The following SLC35F3 variants were observed in gnomAD, a reference collection of about 807,000 sequenced individuals.
The protein encoded by SLC35F3 is solute carrier family 35 member F3.
SLC35F3 carries 25 observed loss-of-function variants against 49.9 expected under a neutral mutation model. The ratio of observed to expected loss-of-function variants is 0.50; its 90% confidence interval spans 0.37 to 0.70. SLC35F3 has a LOEUF of 0.70. Ranked by LOEUF, SLC35F3 falls within the 30% of genes least tolerant of loss-of-function variation. The pLI is 0.00. For missense variants in SLC35F3, 525 were observed against 639.8 expected, an observed-to-expected ratio of 0.82 and a Z score of 1.94; for synonymous variants, 275 against 265.4, an observed-to-expected ratio of 1.04 and a Z score of -0.35.
intron 3 of SLC35F3, among the ~76,000 whole-genome samples, chr1:234,281,895 T>G (rs1668332149): frequency 6.6e-6 from 1 of 152,162 alleles, no homozygotes; most frequent in Non-Finnish European, 1.5e-5. Flanking sequence ...CTGTTCTTCA[T>G]CATGTCAAAT....
chr1:233,986,444 A>T (rs1400685640), intron 2 of SLC35F3, among the ~76,000 whole-genome samples: 1 of 152,196 alleles, frequency 6.6e-6, no homozygotes, highest in Non-Finnish European at 1.5e-5. Flanking sequence ...ATAAAGATTT[A>T]TCTCTCATGA....
intron 2 of SLC35F3, among the ~76,000 whole-genome samples, chr1:234,143,501 G>A (rs979094618): frequency 1.3e-5 from 2 of 151,858 alleles, no homozygotes; most frequent in Admixed American, 6.6e-5. Context: ...AATTGGCCAG[G>A]CTGGTCTGAA....
chr1:234,304,325 T>A (rs571140461), intron 3 of SLC35F3, among the ~76,000 whole-genome samples: 59 of 152,142 alleles, frequency 3.9e-4, no homozygotes, highest in Non-Finnish European at 7.2e-4. Flanking sequence ...CCACACCAGA[T>A]AATTTTTATA....
At chr1:233,923,080 G>T (rs568343114) in intron 2 of SLC35F3, among the ~76,000 whole-genome samples, 9 of 152,118 alleles carry the variant, frequency 5.9e-5, no homozygotes, top group African/African-American at 2.2e-4. Flanking sequence ...GTCAGGTAGC[G>T]TGATGCCTCC....
intron 3 of SLC35F3, among the ~76,000 whole-genome samples, chr1:234,264,490 T>C (rs1260111897): frequency 6.6e-6 from 1 of 152,266 alleles, no homozygotes; most frequent in African/African-American, 2.4e-5. Flanking sequence ...ATCAGAGTCA[T>C]ATGTTGCCAA....
At chr1:233,975,684 G>A (rs933035141) in intron 2 of SLC35F3, among the ~76,000 whole-genome samples, 12 of 152,234 alleles carry the variant, frequency 7.9e-5, no homozygotes, top group Non-Finnish European at 1.6e-4. Flanking sequence ...AGGCCATCCA[G>A]TGAGGAAGTG....
intron 2 of SLC35F3, among the ~76,000 whole-genome samples, chr1:234,055,926 C>G (rs1467529180): frequency 6.6e-6 from 1 of 152,182 alleles, no homozygotes; most frequent in Non-Finnish European, 1.5e-5. Context: ...AGAAATGCCT[C>G]TGAGTGTTTA....
intron 2 of SLC35F3, chr1:234,213,313 C>T (rs1293159506): frequency 6.6e-6 from 1 of 152,204 alleles, no homozygotes; most frequent in East Asian, 1.9e-4. Context: ...ATCTAACCAA[C>T]AATAATAACA....
At chr1:234,258,928 G>A (rs894279290) in intron 3 of SLC35F3, among the ~76,000 whole-genome samples, 5 of 152,212 alleles carry the variant, frequency 3.3e-5, no homozygotes, top group African/African-American at 1.2e-4. Flanking sequence ...GCAAACACTT[G>A]GAATAGTATG....
chr1:234,172,878 A>G (rs1459164977), intron 2 of SLC35F3, among the ~76,000 whole-genome samples: 1 of 152,216 alleles, frequency 6.6e-6, no homozygotes, highest in African/African-American at 2.4e-5. Context: ...ATCACTATGC[A>G]GTGCGTGGCT....
chr1:234,249,823 C>T (rs1398642391), intron 3 of SLC35F3, among the ~76,000 whole-genome samples: 1 of 152,218 alleles, frequency 6.6e-6, no homozygotes, highest in African/African-American at 2.4e-5. Context: ...GTGCGTCTAG[C>T]CCTGAGGCTG....
At chr1:233,922,056 G>T (rs1360901063) in intron 2 of SLC35F3, among the ~76,000 whole-genome samples, 2 of 152,150 alleles carry the variant, frequency 1.3e-5, no homozygotes, top group African/African-American at 4.8e-5. Context: ...TGGACATTTG[G>T]CTTGGTTCCA....
chr1:234,126,607 T>C (rs2102896050), intron 2 of SLC35F3, among the ~76,000 whole-genome samples: 1 of 152,192 alleles, frequency 6.6e-6, no homozygotes, highest in Admixed American at 6.5e-5. Context: ...AGTGCACCCA[T>C]CTTCTTCCTA....
rs370270024 is a variant in SLC35F3 at position 234,099,102 on chromosome 1, A to G, written c.284-132315A>G. 2.0e-5 allele frequency among the ~76,000 whole-genome samples: 3 copies of G among 152,078 alleles called. No individual in the cohort carries two copies. In the East Asian group the frequency reaches 5.8e-4, roughly 29 times the overall value. ...ACCATAGTCCTTTCCTATATTCCAC[A>G]TGTTCTGTTACAGAGGGAGATAGAT... On this transcript the variant is annotated intron_variant, in intron 2 of 7. Coordinates refer to ENST00000366618, the MANE Select transcript of SLC35F3 (RefSeq NM_173508.4).
chr1:234,191,285 C>G (rs944322144), intron 2 of SLC35F3, among the ~76,000 whole-genome samples: 1 of 152,030 alleles, frequency 6.6e-6, no homozygotes, highest in African/African-American at 2.4e-5. Context: ...GAAATTAACT[C>G]CAAAAGGAAA....
intron 2 of SLC35F3, among the ~76,000 whole-genome samples, chr1:234,159,001 G>A (rs1666191261): frequency 6.6e-6 from 1 of 151,898 alleles, no homozygotes; most frequent in African/African-American, 2.4e-5. Context: ...TTGAACTTTG[G>A]AACAATGTTT....
intron 2 of SLC35F3, among the ~76,000 whole-genome samples, chr1:233,934,746 TA>T (rs1330021176): frequency 6.8e-6 from 1 of 147,886 alleles, no homozygotes; most frequent in Non-Finnish European, 1.5e-5. Context: ...TTATTAATTT[TA>T]AAATAATCAA....
intron 2 of SLC35F3, chr1:234,213,723 A>C (rs1667073305): frequency 6.6e-6 from 1 of 152,180 alleles, no homozygotes; most frequent in South Asian, 2.1e-4. Context: ...GTGAGTTTGG[A>C]TCTCCAGACT....
intron 2 of SLC35F3, among the ~76,000 whole-genome samples, chr1:234,035,572 G>A (rs981949005): frequency 6.6e-6 from 1 of 152,098 alleles, no homozygotes; most frequent in Non-Finnish European, 1.5e-5. Context: ...TCTAAACTGT[G>A]TATTACGTTC....
Sources: gnomAD v4.1 joint callset for allele counts (sites outside exome capture counted in the v4.1 genomes callset) on GRCh38, gnomAD v4.1.1 for gene constraint, MANE v1.5 for transcripts, NCBI Gene and HGNC (gene_info 2026-07-23, HGNC 2026-07-21) for gene names.